The following FRMD3 variants were observed in gnomAD, a reference collection of about 807,000 sequenced individuals.
The protein encoded by FRMD3 is FERM domain containing 3.
A neutral mutation model predicts 70.2 loss-of-function variants in FRMD3; 33 were observed. That is an observed-to-expected ratio of 0.47 (90% CI 0.36 to 0.63). The LOEUF (loss-of-function observed/expected upper bound fraction) is 0.63. Ranked by LOEUF, FRMD3 falls within the 20% of genes least tolerant of loss-of-function variation. FRMD3 has a pLI of 0.00. For missense variants in FRMD3, 632 were observed against 711.4 expected, an observed-to-expected ratio of 0.89 and a Z score of 1.27; for synonymous variants, 279 against 255.9, an observed-to-expected ratio of 1.09 and a Z score of -0.86.
chr9:83,520,970 CA>C (rs144061788), intron 1 of FRMD3, among the ~76,000 whole-genome samples: 5,514 of 56,188 alleles, frequency 0.098, 99 homozygotes, highest in East Asian at 0.27. Flanking sequence ...ACTAAAAATA[CA>C]AAAAAAAAAA....
chr9:83,541,834 C>A (rs1830002981), upstream of FRMD3, among the ~76,000 whole-genome samples: 2 of 152,152 alleles, frequency 1.3e-5, no homozygotes, highest in South Asian at 4.1e-4. Flanking sequence ...ATAGGACAAA[C>A]AAGATTTCTA....
At position 83,526,877 on chromosome 9, in the gene FRMD3, CTTT is replaced by C. The variant is rs5898832; in HGVS notation, c.147+11205_147+11207del. ...TGCTCTTCCTTTTTAGAATAAGCTT[CTTT>C]TTTTTTTTTTTTCTTTTTGCTAAAG... is the stretch of plus-strand genomic sequence containing the variant. On this transcript the variant is annotated intron_variant, in intron 1 of 13. Coordinates refer to ENST00000304195, the MANE Select transcript of FRMD3 (RefSeq NM_174938.6). Among the ~76,000 whole-genome samples the C allele has an allele frequency of 4.2e-5, 6 of 142,692 alleles. 1 individual carries two copies. Among genetic ancestry groups the C allele is most frequent in the African/African-American group, 1.5e-4 (6 of 39,024 alleles). 93.6% of individuals were successfully genotyped at this position (142,692 alleles called of 152,430 possible). A position where few individuals can be genotyped will look rare whatever the true frequency, so the allele number is the denominator to read the frequency against.
At position 83,402,965 on chromosome 9, in the gene FRMD3, G is replaced by A. The variant is rs541616820; in HGVS notation, c.148-13257C>T. Among the ~76,000 whole-genome samples the A allele has an allele frequency of 9.5e-4, 133 of 139,858 alleles. 1 individual carries two copies. Among genetic ancestry groups the A allele is most frequent in the African/African-American group, 2.2e-3 (81 of 37,614 alleles). 91.8% of individuals were successfully genotyped at this position (139,858 alleles called of 152,430 possible). A position where few individuals can be genotyped will look rare whatever the true frequency, so the allele number is the denominator to read the frequency against. The stretch of plus-strand genomic sequence containing the variant: ...GTTGCCCAGGCTGTAGTACAATGGC[G>A]CGATCTTGGCTCACTGCAACCTCCG... On this transcript the variant is annotated intron_variant, in intron 1 of 13. Transcript: ENST00000304195.
chr9:83,420,971 C>T (rs1826620603), intron 1 of FRMD3, among the ~76,000 whole-genome samples: 3 of 116,280 alleles, frequency 2.6e-5, no homozygotes, highest in Admixed American at 2.0e-4. Context: ...GACGGAGTCT[C>T]GCTCTGTCGC....
chr9:83,488,141 A>G (rs75256265), intron 1 of FRMD3, among the ~76,000 whole-genome samples: 3 of 152,200 alleles, frequency 2.0e-5, no homozygotes. Context: ...TCAAAAAAAA[A>G]TTACTTAACC....
In FRMD3 at chr9:83,434,691, C is replaced by T. The variant is rs183468582; in HGVS notation, c.148-44983G>A. Among the ~76,000 whole-genome samples the T allele has an allele frequency of 3.8e-3, 575 of 152,230 alleles. 1 individual carries two copies. The highest frequency in any genetic ancestry group is 6.4e-3 in the Non-Finnish European group (438 of 68,018). On this transcript the variant is annotated intron_variant, in intron 1 of 13. Transcript: ENST00000304195. ...TAAAGCCTTGGGATTCTCATGGTTT[C>T]CAGTGGAGGTCAAGGAGAAAAGAAG...
intron 4 of FRMD3, among the ~76,000 whole-genome samples, chr9:83,347,031 A>G (rs1001347614): frequency 6.6e-6 from 1 of 152,246 alleles, no homozygotes; most frequent in Non-Finnish European, 1.5e-5. Context: ...TGCATCAAAC[A>G]TAAAAGCATT....
rs567702737 is a variant in FRMD3, at chr9:83,475,198, G to A, written c.147+62887C>T. Among the ~76,000 whole-genome samples the A allele has an allele frequency of 2.0e-5, 3 of 152,174 alleles. No individual in the cohort carries two copies. The South Asian group carries it at 6.2e-4, about 32-fold the overall frequency. On this transcript the variant is annotated intron_variant, in intron 1 of 13. Coordinates refer to ENST00000304195, the MANE Select transcript of FRMD3 (RefSeq NM_174938.6). ...GATTCACAGGTGATCTAGATATTGG[G>A]ATTATCAGGCATAGACTTTAAAATA...
chr9:83,534,567 G>A (rs894588042), intron 1 of FRMD3, among the ~76,000 whole-genome samples: 2 of 152,152 alleles, frequency 1.3e-5, no homozygotes, highest in Non-Finnish European at 2.9e-5. Flanking sequence ...CAAAACACAT[G>A]CCCTTTCACC....
chr9:83,300,548 G>T (rs964909215), intron 10 of FRMD3, among the ~76,000 whole-genome samples: 1 of 152,148 alleles, frequency 6.6e-6, no homozygotes, highest in African/African-American at 2.4e-5. Context: ...ACTCAGAAGG[G>T]GAGGGTAGTA....
intron 1 of FRMD3, among the ~76,000 whole-genome samples, chr9:83,456,919 G>C (rs1827834040): frequency 1.3e-5 from 2 of 152,102 alleles, no homozygotes; most frequent in Admixed American, 6.6e-5. Flanking sequence ...GGTCGAGGCT[G>C]CAGTGGGCTG....
Position 83,245,819 on chromosome 9 carries a change from A to C in FRMD3, c.*2099T>G, listed in dbSNP as rs1254460227. 6.1e-6 allele frequency: 6 copies of C among 985,226 alleles called. No homozygotes were observed. The highest frequency in any genetic ancestry group is 7.2e-6 in the Non-Finnish European group (6 of 829,856). 61.0% of individuals were successfully genotyped at this position (985,226 alleles called of 1,614,324 possible). On this transcript the variant is annotated 3_prime_UTR_variant, in exon 14 of 14. Coordinates refer to ENST00000304195, the MANE Select transcript of FRMD3 (RefSeq NM_174938.6). ...GAAAGGATGACTTAGAAGTCGTATGAGAAAAGAAGGAGAAAAACACAAATT... is the reference window on the plus strand; with the variant it reads ...GAAAGGATGACTTAGAAGTCGTATGCGAAAAGAAGGAGAAAAACACAAATT...
intron 1 of FRMD3, among the ~76,000 whole-genome samples, chr9:83,483,328 G>A (rs983866000): frequency 6.6e-6 from 1 of 152,162 alleles, no homozygotes; most frequent in African/African-American, 2.4e-5. Flanking sequence ...GCTTCCTGTA[G>A]AGCCTGCAGA....
intron 1 of FRMD3, among the ~76,000 whole-genome samples, chr9:83,446,504 G>A (rs952876991): frequency 2.6e-5 from 4 of 152,054 alleles, no homozygotes; most frequent in African/African-American, 9.6e-5. Context: ...AAAATTAGCC[G>A]GGCGCGGTGG....
the FRMD3 span, among the ~76,000 whole-genome samples, chr9:83,551,530 G>A: frequency 6.6e-6 from 1 of 152,070 alleles, no homozygotes; most frequent in Non-Finnish European, 1.5e-5. Flanking sequence ...CAATTTTTTG[G>A]AATAGTTTCT....
chr9:83,292,773 G>A (rs906840508), intron 12 of FRMD3, among the ~76,000 whole-genome samples: 4 of 152,110 alleles, frequency 2.6e-5, no homozygotes, highest in African/African-American at 4.8e-5. Flanking sequence ...TCAGCCTCCC[G>A]AGTAGCTGGG....
intron 13 of FRMD3, 59 bp from the exon 14 acceptor site, chr9:83,248,575 G>T (rs1276885621): frequency 2.0e-6 from 3 of 1,501,282 alleles, no homozygotes; most frequent in Non-Finnish European, 2.6e-6. Flanking sequence ...ACAAAAATCT[G>T]CAGGAAGAAA....
At chr9:83,491,858 C>T (rs1748374075) in intron 1 of FRMD3, among the ~76,000 whole-genome samples, 1 of 152,170 alleles carries the variant, frequency 6.6e-6, no homozygotes, top group Non-Finnish European at 1.5e-5. Context: ...TATGCATTTG[C>T]AGCACCAAAT....
chr9:83,337,006 C>T (rs955503835), intron 5 of FRMD3, among the ~76,000 whole-genome samples: 3 of 152,066 alleles, frequency 2.0e-5, no homozygotes, highest in Admixed American at 1.3e-4. Context: ...TCCTCTGCCT[C>T]ACCTTTTGTT....
Sources: allele counts gnomAD v4.1 joint callset (sites outside exome capture counted in the v4.1 genomes callset), GRCh38; gene constraint gnomAD v4.1.1; transcripts MANE v1.5; gene names NCBI Gene and HGNC (gene_info 2026-07-23, HGNC 2026-07-21).